Variants in CSMD1 observed in about 807,000 individuals in gnomAD.
The protein encoded by CSMD1 is CUB and Sushi multiple domains 1.
A neutral mutation model predicts 417.5 loss-of-function variants in CSMD1; 213 were observed. That is an observed-to-expected ratio of 0.51 (90% CI 0.46 to 0.57). The LOEUF (loss-of-function observed/expected upper bound fraction) is 0.57. Ranked by LOEUF, CSMD1 falls within the 20% of genes least tolerant of loss-of-function variation. The pLI is 0.00. For synonymous variants in CSMD1, 2,862 were observed against 1,736.8 expected, an observed-to-expected ratio of 1.65 and a Z score of -16.11; for missense variants, 6,923 against 4,529.7, an observed-to-expected ratio of 1.53 and a Z score of -15.17.
At chr8:3,945,695 T>A (rs2980783) in intron 5 of CSMD1, among the ~76,000 whole-genome samples, 4 of 152,102 alleles carry the variant, frequency 2.6e-5, no homozygotes, top group Middle Eastern at 3.2e-3. Context: ...AGATAGCTCA[T>A]CGACATTTAA....
At chr8:3,871,845 G>C (rs958758563) in intron 5 of CSMD1, among the ~76,000 whole-genome samples, 19 of 152,170 alleles carry the variant, frequency 1.2e-4, no homozygotes, top group African/African-American at 4.6e-4. Context: ...CAATTAGCTT[G>C]TGAGCCAAGA....
chr8:4,323,716 G>T (rs1196516888), intron 3 of CSMD1, among the ~76,000 whole-genome samples: 1 of 151,666 alleles, frequency 6.6e-6, no homozygotes, highest in Non-Finnish European at 1.5e-5. Context: ...AGCCGAGAGG[G>T]TATGATTTGG....
intron 10 of CSMD1, among the ~76,000 whole-genome samples, chr8:3,508,025 G>A (rs190972937): frequency 6.6e-6 from 1 of 152,080 alleles, no homozygotes; most frequent in Non-Finnish European, 1.5e-5. Context: ...GATCCCATTT[G>A]TCAATTTTGG....
Position 3,245,826 on chromosome 8 carries a change from A to T in CSMD1, c.4154-15595T>A, listed in dbSNP as rs1480523858. 2.6e-5 allele frequency among the ~76,000 whole-genome samples: 4 copies of T among 152,194 alleles called. No homozygotes were observed. The East Asian group carries it at 7.7e-4, about 29-fold the overall frequency. On this transcript the variant is annotated intron_variant, in intron 26 of 69. Transcript: ENST00000635120. ...GGACTAGTTACTGTTTATCTTGAGA[A>T]CAAGTCTGTAATGACTTTTATCTGC...
chr8:3,883,178 G>A (rs1278928215), intron 5 of CSMD1, among the ~76,000 whole-genome samples: 2 of 152,054 alleles, frequency 1.3e-5, no homozygotes, highest in African/African-American at 4.8e-5. Flanking sequence ...AAATGGCTGG[G>A]TGCAAATGCA....
intron 3 of CSMD1, among the ~76,000 whole-genome samples, chr8:4,219,619 A>C (rs564237677): frequency 6.6e-6 from 1 of 152,154 alleles, no homozygotes; most frequent in Non-Finnish European, 1.5e-5. Context: ...AAAAAACACT[A>C]TATCACTTTA....
At chr8:3,216,065 T>C (rs1361987691) in intron 29 of CSMD1, among the ~76,000 whole-genome samples, 12 of 149,442 alleles carry the variant, frequency 8.0e-5, no homozygotes, top group South Asian at 2.1e-4. Flanking sequence ...ATATTATATA[T>C]ATAAGTTTTC....
chr8:4,737,434 T>C (rs74602853), intron 1 of CSMD1, among the ~76,000 whole-genome samples: 2,053 of 152,160 alleles, frequency 0.013, 32 homozygotes, highest in African/African-American at 0.034. Flanking sequence ...TACCACAAAT[T>C]GCCATAACAA....
chr8:4,170,897 C>G (rs369423329), intron 3 of CSMD1, among the ~76,000 whole-genome samples: 33 of 151,980 alleles, frequency 2.2e-4, no homozygotes, highest in African/African-American at 7.5e-4. Flanking sequence ...GCATTCAAAT[C>G]ACTTTTCCCA....
intron 49 of CSMD1, among the ~76,000 whole-genome samples, chr8:3,054,725 T>C (rs1381181778): frequency 6.6e-6 from 1 of 152,188 alleles, no homozygotes. Flanking sequence ...ATGTGTGTAG[T>C]ACATGTGTGT....
chr8:4,801,216 C>G (rs1049870503), intron 1 of CSMD1, among the ~76,000 whole-genome samples: 1 of 152,182 alleles, frequency 6.6e-6, no homozygotes, highest in Non-Finnish European at 1.5e-5. Context: ...TTAGCTAAAT[C>G]TTATTGCGGC....
chr8:3,651,809 C>A (rs540880378), intron 7 of CSMD1, among the ~76,000 whole-genome samples: 4 of 150,778 alleles, frequency 2.7e-5, no homozygotes, highest in Non-Finnish European at 5.9e-5. Context: ...TCGCACTTAC[C>A]ACCATCAGAG....
intron 53 of CSMD1, among the ~76,000 whole-genome samples, chr8:2,998,499 A>G (rs1807112581): frequency 6.6e-6 from 1 of 152,254 alleles, no homozygotes; most frequent in Non-Finnish European, 1.5e-5. Context: ...GAAGCAGTGA[A>G]AAACAAGAGA....
chr8:3,217,933 A>G (rs1160082256), intron 29 of CSMD1, among the ~76,000 whole-genome samples: 2 of 152,096 alleles, frequency 1.3e-5, no homozygotes, highest in Non-Finnish European at 2.9e-5. Flanking sequence ...AACCCTCCTA[A>G]CTGTGAATTG....
At chr8:4,341,138 C>T (rs1040108658) in intron 3 of CSMD1, among the ~76,000 whole-genome samples, 2 of 151,970 alleles carry the variant, frequency 1.3e-5, no homozygotes, top group Admixed American at 1.3e-4. Context: ...GTAACAAGGC[C>T]TATCCAAGCA....
intron 1 of CSMD1, among the ~76,000 whole-genome samples, chr8:4,942,132 A>G (rs1487852284): frequency 6.6e-6 from 1 of 152,124 alleles, no homozygotes; most frequent in East Asian, 1.9e-4. Flanking sequence ...TTCCAATCAA[A>G]GTATAATATA....
chr8:3,454,097 G>T (rs1164661727), intron 12 of CSMD1, among the ~76,000 whole-genome samples: 1 of 151,962 alleles, frequency 6.6e-6, no homozygotes, highest in East Asian at 1.9e-4. Context: ...GATCTTTGTT[G>T]GTTTAAAGTC....
At chr8:3,396,750 T>C (rs987321556) in intron 16 of CSMD1, among the ~76,000 whole-genome samples, 37 of 152,258 alleles carry the variant, frequency 2.4e-4, no homozygotes, top group Admixed American at 2.0e-3. Context: ...CAATTATATA[T>C]TTTTAAACTA....
intron 26 of CSMD1, among the ~76,000 whole-genome samples, chr8:3,279,981 C>G (rs1802605179): frequency 6.6e-6 from 1 of 152,142 alleles, no homozygotes; most frequent in East Asian, 1.9e-4. Context: ...AGGAAGGTTA[C>G]TTGGAATTAG....
Sources: allele counts gnomAD v4.1 joint callset (sites outside exome capture counted in the v4.1 genomes callset), GRCh38; gene constraint gnomAD v4.1.1; transcripts MANE v1.5; gene names NCBI Gene and HGNC (gene_info 2026-07-23, HGNC 2026-07-21).